Variants in SH3GL2 observed in about 807,000 individuals in gnomAD.
The protein encoded by SH3GL2 is SH3 domain containing GRB2 like 2, endophilin A1, also known as endophilin-A1.
In SH3GL2, 24 loss-of-function variants were observed where a neutral mutation model predicts 46.0. That is an observed-to-expected ratio of 0.52 (90% confidence interval 0.38 to 0.73). The LOEUF (loss-of-function observed/expected upper bound fraction) is 0.73, where lower values mean the gene tolerates loss of function less well. SH3GL2 is among the 30% of genes least tolerant of loss of function. The probability of loss-of-function intolerance (pLI) is 0.00; values close to 1 mark genes in which losing one functional copy is unlikely to be tolerated. For missense variants in SH3GL2, 413 were observed against 424.2 expected (o/e 0.97, Z 0.23); for synonymous variants, 196 against 147.1 (o/e 1.33, Z -2.40).
At chr9:17,701,634 A>G (rs1280393008) in intron 1 of SH3GL2, among the ~76,000 whole-genome samples, 1 of 152,340 alleles carries the variant, frequency 6.6e-6, no homozygotes, top group Non-Finnish European at 1.5e-5. Flanking sequence ...AAATATTAGC[A>G]TATGGGAATA....
In SH3GL2 at chr9:17,716,180, T is replaced by C. The variant is rs190346870; in HGVS notation, c.46-30886T>C. Among the ~76,000 whole-genome samples, 261 of 152,284 alleles carry C rather than the reference T, an allele frequency of 1.7e-3. 1 individual carries two copies. The highest frequency in any genetic ancestry group is 0.014 in the Middle Eastern group (4 of 294). On this transcript the variant is annotated intron_variant, in intron 1 of 8. Coordinates refer to ENST00000380607, the MANE Select transcript of SH3GL2 (RefSeq NM_003026.5). ...TTGTATCATCTGTGGCATTCTGAGTTGGACTTAATTGGTTGCTTTTTGTCA... is the reference window on the plus strand; with the variant it reads ...TTGTATCATCTGTGGCATTCTGAGTCGGACTTAATTGGTTGCTTTTTGTCA...
At chr9:17,744,569 G>A (rs1318063816) in intron 1 of SH3GL2, among the ~76,000 whole-genome samples, 2 of 151,966 alleles carry the variant, frequency 1.3e-5, no homozygotes, top group African/African-American at 2.4e-5. Context: ...GTCTTACTAC[G>A]TTGCCCAGGC....
intron 1 of SH3GL2, among the ~76,000 whole-genome samples, chr9:17,588,429 C>G (rs965836615): frequency 2.0e-5 from 3 of 152,090 alleles, no homozygotes; most frequent in Admixed American, 2.0e-4. Context: ...ATCTCATGAG[C>G]CCTTTAAAAG....
At chr9:17,676,433 C>T (rs1359264268) in intron 1 of SH3GL2, among the ~76,000 whole-genome samples, 1 of 152,076 alleles carries the variant, frequency 6.6e-6, no homozygotes, top group Admixed American at 6.5e-5. Context: ...GGGTGAAACC[C>T]TGTCTCTACT....
chr9:17,677,347 G>T (rs2383039), intron 1 of SH3GL2, among the ~76,000 whole-genome samples: 15,395 of 151,860 alleles, frequency 0.1, 990 homozygotes, highest in Admixed American at 0.18. Flanking sequence ...CTGGTGATAC[G>T]GTACTCTCAC....
chr9:17,703,906 C>T lies in SH3GL2; in HGVS notation c.46-43160C>T, dbSNP rs1007615418. Among the ~76,000 whole-genome samples, 7 of 152,054 alleles carry T rather than the reference C, an allele frequency of 4.6e-5. No homozygotes were observed. In the East Asian group the frequency reaches 1.2e-3, roughly 25 times the overall value. ...GGAAGAAGACAAGGATGCCCTCTTT[C>T]ACCACTCCTATTCTACATAGTATTG... On this transcript the variant is annotated intron_variant, in intron 1 of 8. Coordinates refer to ENST00000380607, the MANE Select transcript of SH3GL2 (RefSeq NM_003026.5).
At chr9:17,641,454 A>T (rs192435694) in intron 1 of SH3GL2, among the ~76,000 whole-genome samples, 35 of 152,282 alleles carry the variant, frequency 2.3e-4, no homozygotes, top group African/African-American at 8.4e-4. Flanking sequence ...ATTTATTTTT[A>T]TTATACTTTA....
At chr9:17,690,173 A>G (rs1050755588) in intron 1 of SH3GL2, among the ~76,000 whole-genome samples, 1 of 151,938 alleles carries the variant, frequency 6.6e-6, no homozygotes, top group Non-Finnish European at 1.5e-5. Context: ...TTATGTCTAC[A>G]CCCCCACAAT....
At chr9:17,666,506 A>G (rs1382176120) in intron 1 of SH3GL2, among the ~76,000 whole-genome samples, 1 of 149,756 alleles carries the variant, frequency 6.7e-6, no homozygotes, top group Non-Finnish European at 1.5e-5. Flanking sequence ...AAGCAGATTC[A>G]TGTGTTTTCT....
intron 1 of SH3GL2, among the ~76,000 whole-genome samples, chr9:17,666,945 C>T (rs981893368): frequency 2.0e-5 from 3 of 152,058 alleles, no homozygotes; most frequent in African/African-American, 7.2e-5. Flanking sequence ...TTAATTTTTG[C>T]TGATCTGAAA....
rs1824269967 is a variant in SH3GL2, at chr9:17,796,125, C to T, written c.*382C>T. The T allele has an allele frequency of 5.7e-6, 1 of 175,496 alleles. No individual in the cohort carries two copies. The highest frequency in any genetic ancestry group is 1.2e-5 in the Non-Finnish European group (1 of 82,954). 10.9% of individuals were successfully genotyped at this position (175,496 alleles called of 1,614,324 possible). On this transcript the variant is annotated 3_prime_UTR_variant, in exon 9 of 9. Transcript: ENST00000380607. ...CATCTGAAGGTCTCTTTGCATTTCT[C>T]CATGCAAAGAGGAGAAAGCTTTTGC...
chr9:17,642,826 T>A (rs1209026608), intron 1 of SH3GL2, among the ~76,000 whole-genome samples: 1 of 152,196 alleles, frequency 6.6e-6, no homozygotes, highest in Non-Finnish European at 1.5e-5. Context: ...TTGTCTTGGC[T>A]ATATGGACTT....
intron 5 of SH3GL2, 30 bp downstream of exon 5, chr9:17,787,543 G>A (rs1823996719): frequency 1.3e-6 from 2 of 1,597,578 alleles, no homozygotes; most frequent in African/African-American, 2.7e-5. Flanking sequence ...TGGAAAGTGG[G>A]CAGTTGAAAT....
At chr9:17,635,714 A>G (rs6475158) in intron 1 of SH3GL2, among the ~76,000 whole-genome samples, 86,322 of 152,036 alleles carry the variant, frequency 0.57, 25,003 homozygotes, top group Non-Finnish European at 0.64. Flanking sequence ...TGGCTGGTCT[A>G]TGTTATTTCC....
intron 3 of SH3GL2, among the ~76,000 whole-genome samples, chr9:17,773,149 A>G (rs573756200): frequency 2.0e-5 from 3 of 152,180 alleles, no homozygotes; most frequent in East Asian, 3.9e-4. Flanking sequence ...GGAAATGTCA[A>G]TTCAAGCCTT....
chr9:17,778,014 C>T (rs1231459328), intron 3 of SH3GL2, among the ~76,000 whole-genome samples: 3 of 151,928 alleles, frequency 2.0e-5, no homozygotes, highest in Non-Finnish European at 4.4e-5. Flanking sequence ...TTGTCCATGA[C>T]AATCTGGGAG....
intron 3 of SH3GL2, among the ~76,000 whole-genome samples, chr9:17,768,709 T>G (rs1823389493): frequency 1.3e-5 from 2 of 152,164 alleles, no homozygotes; most frequent in African/African-American, 4.8e-5. Context: ...ATCTGCCCCT[T>G]CTTCGACAAC....
Position 17,752,715 on chromosome 9 carries a change from C to T in SH3GL2, c.114+5581C>T, listed in dbSNP as rs564952146. On this transcript the variant is annotated intron_variant, in intron 2 of 8. Transcript: ENST00000380607. ...GGTCCAATTTCTTTCTTTTTTTAAA[C>T]TTGTATCTTAACTTCAGGGGTACAC... 4.6e-5 allele frequency among the ~76,000 whole-genome samples: 7 copies of T among 152,116 alleles called. No homozygotes were observed. The South Asian group carries it at 1.2e-3, about 27-fold the overall frequency.
intron 1 of SH3GL2, among the ~76,000 whole-genome samples, chr9:17,741,849 A>G (rs1822536576): frequency 6.6e-6 from 1 of 152,174 alleles, no homozygotes; most frequent in South Asian, 2.1e-4. Context: ...ATGATGTCTC[A>G]TTAAGAGTAC....
Sources: gnomAD v4.1 joint callset for allele counts (sites outside exome capture counted in the v4.1 genomes callset) on GRCh38, gnomAD v4.1.1 for gene constraint, MANE v1.5 for transcripts, NCBI Gene and HGNC (gene_info 2026-07-23, HGNC 2026-07-21) for gene names.